Variants in PLCE1 observed in about 807,000 individuals in gnomAD.
The protein encoded by PLCE1 is 1-phosphatidylinositol 4,5-bisphosphate phosphodiesterase epsilon-1.
PLCE1 carries 119 observed loss-of-function variants against 242.8 expected under a neutral mutation model. The observed-to-expected ratio is 0.49, with a 90% CI of 0.42 to 0.57. The LOEUF (loss-of-function observed/expected upper bound fraction) is 0.57. Among genes scored for constraint, PLCE1 ranks in the 20% least tolerant of loss-of-function variants. The pLI, the probability that PLCE1 is intolerant of heterozygous loss-of-function variation, is 0.00. For missense variants in PLCE1, 2,441 were observed against 2,788.8 expected (o/e 0.88, Z 2.81); for synonymous variants, 945 against 1,017.4 (o/e 0.93, Z 1.35).
chr10:94,226,187 G>C (rs1272493791), intron 4 of PLCE1, among the ~76,000 whole-genome samples: 2 of 152,350 alleles, frequency 1.3e-5, no homozygotes, highest in East Asian at 3.9e-4. Flanking sequence ...GGAGGGTGTA[G>C]ACATGGATTA....
chr10:94,215,878 A>G (rs2049507603), intron 4 of PLCE1, among the ~76,000 whole-genome samples: 1 of 152,122 alleles, frequency 6.6e-6, no homozygotes, highest in South Asian at 2.1e-4. Context: ...AGCTATGATC[A>G]TGCCACTGCA....
chr10:94,171,883 C>T (rs988976187), intron 4 of PLCE1, among the ~76,000 whole-genome samples: 2 of 152,096 alleles, frequency 1.3e-5, no homozygotes, highest in African/African-American at 4.8e-5. Context: ...TGACCACATT[C>T]GTATAACCAA....
intron 2 of PLCE1, among the ~76,000 whole-genome samples, chr10:94,112,475 A>G (rs2045985345): frequency 6.6e-6 from 1 of 152,244 alleles, no homozygotes; most frequent in African/African-American, 2.4e-5. Context: ...CTGAAGACAG[A>G]GTTGAAAACT....
At chr10:94,106,838 ATTTTTTCTTCCCCTGC>A (rs2045752940) in intron 2 of PLCE1, among the ~76,000 whole-genome samples, 1 of 146,010 alleles carries the variant, frequency 6.8e-6, no homozygotes, top group Admixed American at 7.0e-5. Flanking sequence ...CAGTGAATGT[ATTTTTTCTTCCCCTGC>A]TGCCCCATAA....
chr10:94,184,228 C>T (rs1257007377), intron 4 of PLCE1, among the ~76,000 whole-genome samples: 1 of 152,204 alleles, frequency 6.6e-6, no homozygotes, highest in Non-Finnish European at 1.5e-5. Flanking sequence ...AACTCCCCTG[C>T]TAAGTGTCCC....
At chr10:94,095,578 T>C (rs996306623) in intron 2 of PLCE1, among the ~76,000 whole-genome samples, 15 of 152,278 alleles carry the variant, frequency 9.9e-5, no homozygotes, top group African/African-American at 3.6e-4. Flanking sequence ...GCTGGAAATT[T>C]CTTAATAACA....
chr10:94,319,864 CTTTTTTTTTTT>C (rs58610099), intron 29 of PLCE1, among the ~76,000 whole-genome samples: 3 of 92,912 alleles, frequency 3.2e-5, no homozygotes, highest in African/African-American at 1.1e-4. Flanking sequence ...CAAAGGTGCT[CTTTTTTTTTTT>C]TTTTTTTTTT....
intron 7 of PLCE1, among the ~76,000 whole-genome samples, chr10:94,240,639 A>C (rs1333137419): frequency 2.0e-5 from 3 of 152,152 alleles, no homozygotes; most frequent in Admixed American, 2.0e-4. Context: ...GCAGGAAGCA[A>C]ACGAACACTT....
intron 4 of PLCE1, among the ~76,000 whole-genome samples, chr10:94,215,461 C>G (rs2049487856): frequency 6.6e-6 from 1 of 152,108 alleles, no homozygotes; most frequent in South Asian, 2.1e-4. Context: ...AAAAGTGCAG[C>G]AGGAAGGTTA....
intron 19 of PLCE1, among the ~76,000 whole-genome samples, chr10:94,275,956 A>G (rs1564852529): frequency 6.6e-6 from 1 of 152,232 alleles, no homozygotes; most frequent in Non-Finnish European, 1.5e-5. Context: ...TTCCAGATTA[A>G]CAATGAATTT....
intron 4 of PLCE1, among the ~76,000 whole-genome samples, chr10:94,188,635 C>T (rs569090267): frequency 3.9e-5 from 6 of 152,248 alleles, no homozygotes; most frequent in East Asian, 1.9e-4. Flanking sequence ...GATGGAGCTT[C>T]GCTCTTGTTG....
At chr10:94,219,026 TA>T (rs1334300454) in intron 4 of PLCE1, among the ~76,000 whole-genome samples, 2 of 149,334 alleles carry the variant, frequency 1.3e-5, no homozygotes, top group Non-Finnish European at 1.5e-5. Context: ...TGTATAATTA[TA>T]AAAATAATTA....
At chr10:94,138,866 GAA>G (rs1362338640) in intron 3 of PLCE1, 5 of 178,984 alleles carry the variant, frequency 2.8e-5, no homozygotes, top group African/African-American at 9.6e-5. Context: ...GGGAACCTGA[GAA>G]TGCTGCCCCA....
Position 94,187,052 on chromosome 10 carries a change from T to TA in PLCE1, c.1809+15563dup, listed in dbSNP as rs1214652237. 2.0e-5 allele frequency among the ~76,000 whole-genome samples: 3 copies of TA among 151,944 alleles called. No homozygotes were observed. The East Asian group carries it at 5.8e-4, about 29-fold the overall frequency. ...CTACAGATAAATTAAGACATGGGGC[T>TA]AAAAAAATGATAATAATTAATAAGT... On this transcript the variant is annotated intron_variant, in intron 4 of 32. Transcript: ENST00000371380.
intron 13 of PLCE1, among the ~76,000 whole-genome samples, chr10:94,261,170 T>G (rs1281499549): frequency 6.6e-6 from 1 of 152,136 alleles, no homozygotes; most frequent in Non-Finnish European, 1.5e-5. Flanking sequence ...TCCCTCCAAA[T>G]CCCTGGCAGC....
At chr10:94,185,544 C>T (rs376688123) in intron 4 of PLCE1, among the ~76,000 whole-genome samples, 10 of 152,290 alleles carry the variant, frequency 6.6e-5, no homozygotes, top group African/African-American at 2.4e-4. Context: ...CTGCCACTTA[C>T]TGTGGGACCC....
rs539040129 is a variant in PLCE1, at chr10:94,162,050, C to T, written c.1493-9130C>T. Among the ~76,000 whole-genome samples the T allele has an allele frequency of 1.1e-4, 17 of 152,220 alleles. No homozygotes were observed. The South Asian group carries it at 1.5e-3, about 13-fold the overall frequency. ...AAGCTTTTTGATGTACTGCTGGATT[C>T]GGTTTGCCAGTATTTTATTGAGGAT... On this transcript the variant is annotated intron_variant, in intron 3 of 32. Transcript: ENST00000371380.
At position 94,283,678 on chromosome 10, in the gene PLCE1, C is replaced by T. The variant is rs906956722; in HGVS notation, c.4796-112C>T. 2.2e-5 allele frequency: 25 copies of T among 1,162,618 alleles called. No homozygotes were observed. In the African/African-American group the frequency reaches 3.2e-4, roughly 15 times the overall value. The allele number at this position is 1,162,618 out of a possible 1,614,324, so 72.0% of individuals were successfully genotyped here. ...TGTTAACATACTATATAGTTAGAGCCTCATTCTTATAGATAAGTACAAGTA... is the reference window on the plus strand; with the variant it reads ...TGTTAACATACTATATAGTTAGAGCTTCATTCTTATAGATAAGTACAAGTA... On this transcript the variant is annotated intron_variant, in intron 20 of 32. Transcript: ENST00000371380.
rs564249217 is a variant in PLCE1 at position 94,252,435 on chromosome 10, T to C, written c.3216T>C (p.Asn1072=). ...CAGCAAAGAATGCTGAGAAGCCCAA[T>C]ATGCAGAGAAACAATACCCTGGGCA... ...GTSAKNAEKP[N]MQRNNTLGIS... is the part of the protein sequence containing the mutation. The change falls in exon 9 of 33, where the codon AAT becomes AAC. Residue 1072 remains asparagine (N), a synonymous_variant. Transcript: ENST00000371380. The C allele has an allele frequency of 6.2e-6, 10 of 1,613,934 alleles. No homozygotes were observed. The Admixed American group carries it at 1.3e-4, about 22-fold the overall frequency.
Sources: gnomAD v4.1 joint callset for allele counts (sites outside exome capture counted in the v4.1 genomes callset) on GRCh38, gnomAD v4.1.1 for gene constraint, MANE v1.5 for transcripts, NCBI Gene and HGNC (gene_info 2026-07-23, HGNC 2026-07-21) for gene names.